Variants in EPB41L2 observed in about 807,000 individuals in gnomAD.
EPB41L2 encodes the protein band 4.1-like protein 2.
EPB41L2 carries 43 observed loss-of-function variants against 113.0 expected under a neutral mutation model. The ratio of observed to expected loss-of-function variants is 0.38; its 90% CI spans 0.30 to 0.49. The LOEUF (loss-of-function observed/expected upper bound fraction) is 0.49, where lower values mean the gene tolerates loss of function less well. Among genes scored for constraint, EPB41L2 ranks in the 20% least tolerant of loss-of-function variants. The probability of loss-of-function intolerance (pLI) is 0.95; values close to 1 mark genes in which losing one functional copy is unlikely to be tolerated. For missense variants in EPB41L2, 1,147 were observed against 1,223.4 expected, an observed-to-expected ratio of 0.94 and a Z score of 0.93; for synonymous variants, 442 against 436.7, an observed-to-expected ratio of 1.01 and a Z score of -0.15.
At position 130,865,585 on chromosome 6, in the gene EPB41L2, G is replaced by T; in HGVS notation, c.2780C>A (p.Thr927Asn). ...GDSGTLLTAQ[T>N]ITSESVSTTT... ...TGTTGACACGGACTCAGATGTGATG[G>T]TTTGTGCGGTCAGTAACGTGCCCGA... The change falls in exon 17 of 20, where the codon ACC becomes AAC. Residue 927 changes from threonine (T) to asparagine (N), a missense_variant. Physicochemically the swap from Thr to Asn is moderately conservative, Grantham distance 65. Transcript: ENST00000337057. 1 of 1,614,162 alleles carries T rather than the reference G, an allele frequency of 6.2e-7. No individual in the cohort carries two copies. The highest frequency in any genetic ancestry group is 8.5e-7 in the Non-Finnish European group (1 of 1,180,024).
chr6:130,880,451 C>T (rs1214317424), intron 12 of EPB41L2: 1 of 651,094 alleles, frequency 1.5e-6, no homozygotes, highest in East Asian at 2.7e-5. Context: ...AAAACTCAGC[C>T]ACCTCTTCCA....
chr6:131,028,707 T>C (rs1791414815), intron 1 of EPB41L2, among the ~76,000 whole-genome samples: 1 of 152,206 alleles, frequency 6.6e-6, no homozygotes. Flanking sequence ...ACCAGTTTCA[T>C]GGAAAATTCT....
At chr6:131,005,748 A>G (rs1340733989) in intron 1 of EPB41L2, among the ~76,000 whole-genome samples, 1 of 152,094 alleles carries the variant, frequency 6.6e-6, no homozygotes, top group Non-Finnish European at 1.5e-5. Context: ...CTGGCTTTCA[A>G]TTTTTTCCAA....
rs779818989 is a variant in EPB41L2 at position 130,926,630 on chromosome 6, A to C, written c.785T>G (p.Leu262Trp). 6.2e-7 allele frequency: 1 copy of C among 1,608,482 alleles called. No homozygotes were observed. The highest frequency in any genetic ancestry group is 8.5e-7 in the Non-Finnish European group (1 of 1,178,432). ...NLLEKDYFGL[L>W]FQESPEQKNW... ...TTTCTGCTCAGGGCTTTCCTGAAACAAAAGTCCAAAGTAGTCTTTCTCCAA... is the reference window on the plus strand; with the variant it reads ...TTTCTGCTCAGGGCTTTCCTGAAACCAAAGTCCAAAGTAGTCTTTCTCCAA... The change falls in exon 4 of 20, where the codon TTG becomes TGG. Residue 262 changes from leucine (L) to tryptophan (W), a missense_variant. By Grantham distance (61) the Leu-to-Trp change is moderately conservative (BLOSUM62 -2). Coordinates refer to ENST00000337057, the MANE Select transcript of EPB41L2 (RefSeq NM_001431.4).
At chr6:131,009,207 T>A (rs767919459) in intron 1 of EPB41L2, among the ~76,000 whole-genome samples, 31 of 152,134 alleles carry the variant, frequency 2.0e-4, no homozygotes, top group Non-Finnish European at 3.2e-4. Context: ...GATAGTGAGT[T>A]CTCACGAGGT....
At position 130,880,587 on chromosome 6, in the gene EPB41L2, C is replaced by T. The variant is rs574493583; in HGVS notation, c.1834-381G>A. On this transcript the variant is annotated intron_variant, in intron 12 of 19. Coordinates refer to ENST00000337057, the MANE Select transcript of EPB41L2 (RefSeq NM_001431.4). ...GCTGTATTTGAACTTAAATGGTGAA[C>T]CAGTGTTACCAACCTTTACTGTGAG... The T allele has an allele frequency of 6.3e-4, 334 of 532,892 alleles. 3 individuals carry two copies. The highest frequency in any genetic ancestry group is 5.3e-4 in the Admixed American group (15 of 28,556). The allele number at this position is 532,892 out of a possible 1,614,324, so 33.0% of individuals were successfully genotyped here.
intron 1 of EPB41L2, among the ~76,000 whole-genome samples, chr6:131,044,835 T>C (rs1795112562): frequency 6.6e-6 from 1 of 152,164 alleles, no homozygotes; most frequent in African/African-American, 2.4e-5. Context: ...CACTGGTGAG[T>C]TGTGAAATTA....
intron 1 of EPB41L2, among the ~76,000 whole-genome samples, chr6:131,028,170 T>G (rs1253753052): frequency 6.6e-6 from 1 of 152,220 alleles, no homozygotes; most frequent in East Asian, 1.9e-4. Context: ...CGACACCTTC[T>G]AAGAATTAAC....
chr6:130,953,833 G>GGGGCC lies in EPB41L2; in HGVS notation c.705+1267_705+1271dup, dbSNP rs1816176507. On this transcript the variant is annotated intron_variant, in intron 3 of 19. Transcript: ENST00000337057. Reference sequence around the variant, plus strand: ...CCACCATGTGAAGATCCAGAAAGGAGGGGCCATCCTGGAAGCAGAGATCAA... The same window carrying GGGGCC: ...CCACCATGTGAAGATCCAGAAAGGAGGGGCCGGGCCATCCTGGAAGCAGAGATCAA... Among the ~76,000 whole-genome samples the GGGGCC allele has an allele frequency of 2.0e-5, 3 of 152,008 alleles. No homozygotes were observed. In the South Asian group the frequency reaches 6.3e-4, roughly 32 times the overall value.
At chr6:130,917,505 C>T (rs930713514) in intron 4 of EPB41L2, among the ~76,000 whole-genome samples, 2 of 152,150 alleles carry the variant, frequency 1.3e-5, no homozygotes, top group Non-Finnish European at 2.9e-5. Context: ...CAACAAGAAT[C>T]CTGTTAGCTT....
chr6:130,924,436 T>C (rs558903659), intron 4 of EPB41L2, among the ~76,000 whole-genome samples: 1 of 151,848 alleles, frequency 6.6e-6, no homozygotes, highest in Non-Finnish European at 1.5e-5. Flanking sequence ...TGGAGTGCAA[T>C]GCCACAATCT....
Position 130,919,435 on chromosome 6 carries a change from C to T in EPB41L2, c.810+7170G>A, listed in dbSNP as rs143605535. Among the ~76,000 whole-genome samples, 14 of 152,278 alleles carry T rather than the reference C, an allele frequency of 9.2e-5. No individual in the cohort carries two copies. The East Asian group carries it at 2.5e-3, about 27-fold the overall frequency. On this transcript the variant is annotated intron_variant, in intron 4 of 19. Transcript: ENST00000337057. ...CTTGTCATCATCACATAGTTCTTCA[C>T]CTCATTAGACTTCATCAGCTCATTC...
intron 5 of EPB41L2, among the ~76,000 whole-genome samples, chr6:130,907,846 A>C (rs1798180376): frequency 7.2e-6 from 1 of 139,168 alleles, no homozygotes; most frequent in Non-Finnish European, 1.6e-5. Flanking sequence ...AGGAATAATA[A>C]GTAAGTAAGG....
intron 3 of EPB41L2, among the ~76,000 whole-genome samples, chr6:130,951,713 C>T (rs1395230904): frequency 6.6e-6 from 1 of 151,900 alleles, no homozygotes; most frequent in African/African-American, 2.4e-5. Flanking sequence ...TTTGAGTATC[C>T]TTCCCATGAG....
chr6:130,960,470 C>G (rs1048535225), intron 1 of EPB41L2, among the ~76,000 whole-genome samples: 9 of 152,024 alleles, frequency 5.9e-5, no homozygotes, highest in Admixed American at 2.6e-4. Context: ...GGAAGAGCAC[C>G]GACAAAACCA....
intron 18 of EPB41L2, among the ~76,000 whole-genome samples, chr6:130,860,674 A>AGGC: frequency 6.6e-6 from 1 of 152,130 alleles, no homozygotes; most frequent in Non-Finnish European, 1.5e-5. Flanking sequence ...CTGCGACTAC[A>AGGC]GGCGCCTGCC....
chr6:131,024,786 C>A (rs534245954), intron 1 of EPB41L2, among the ~76,000 whole-genome samples: 98 of 152,296 alleles, frequency 6.4e-4, no homozygotes, highest in African/African-American at 2.2e-3. Flanking sequence ...CTCTGAGGAA[C>A]TGATACCTGA....
chr6:131,030,813 C>A (rs529486243), intron 1 of EPB41L2, among the ~76,000 whole-genome samples: 1 of 151,910 alleles, frequency 6.6e-6, no homozygotes, highest in African/African-American at 2.4e-5. Context: ...GTGTGTCTCA[C>A]GCCTGTAATC....
intron 1 of EPB41L2, among the ~76,000 whole-genome samples, chr6:131,051,399 T>G (rs1796495195): frequency 2.5e-5 from 3 of 118,000 alleles, no homozygotes. Context: ...ACAACCACAC[T>G]AAAATGAAGT....
Sources: gnomAD v4.1 joint callset for allele counts (sites outside exome capture counted in the v4.1 genomes callset) on GRCh38, gnomAD v4.1.1 for gene constraint, MANE v1.5 for transcripts, NCBI Gene and HGNC (gene_info 2026-07-23, HGNC 2026-07-21) for gene names.